Variants in CDK6 observed in about 807,000 individuals in gnomAD.
CDK6 encodes cyclin-dependent kinase 6.
Under a neutral mutation model 37.1 loss-of-function variants are expected in CDK6, and 6 were observed. The ratio of observed to expected loss-of-function variants is 0.16; its 90% CI spans 0.09 to 0.32. The LOEUF (loss-of-function observed/expected upper bound fraction) is 0.32. CDK6 is among the 10% of genes least tolerant of loss of function. The pLI, the probability that CDK6 is intolerant of heterozygous loss-of-function variation, is 1.00. For missense variants in CDK6, 224 were observed against 418.9 expected, an observed-to-expected ratio of 0.53 and a Z score of 4.06; for synonymous variants, 160 against 161.3, an observed-to-expected ratio of 0.99 and a Z score of 0.06.
intron 3 of CDK6, among the ~76,000 whole-genome samples, chr7:92,729,181 T>C (rs747049183): frequency 9.9e-5 from 15 of 152,228 alleles, no homozygotes; most frequent in Non-Finnish European, 2.9e-5. Context: ...AAGGACTCTC[T>C]ACGTAAGCTT....
chr7:92,763,271 A>G (rs1799502413), intron 3 of CDK6, among the ~76,000 whole-genome samples: 1 of 152,240 alleles, frequency 6.6e-6, no homozygotes, highest in Non-Finnish European at 1.5e-5. Flanking sequence ...TGTCAGCACT[A>G]AAAACCTATG....
At chr7:92,765,566 A>G (rs187989806) in intron 3 of CDK6, among the ~76,000 whole-genome samples, 5 of 152,244 alleles carry the variant, frequency 3.3e-5, no homozygotes, top group Admixed American at 2.0e-4. Context: ...TTGAAAAAGT[A>G]CCATTTCCTG....
chr7:92,829,089 G>T (rs1228327912), intron 2 of CDK6, among the ~76,000 whole-genome samples: 1 of 152,146 alleles, frequency 6.6e-6, no homozygotes, highest in South Asian at 2.1e-4. Context: ...GCTTTACAGA[G>T]TCAAATATGT....
intron 5 of CDK6, among the ~76,000 whole-genome samples, chr7:92,661,814 T>A (rs1431342832): frequency 6.6e-6 from 1 of 152,164 alleles, no homozygotes; most frequent in African/African-American, 2.4e-5. Context: ...TAAGTGGACC[T>A]GTGTAGTTCA....
intron 2 of CDK6, among the ~76,000 whole-genome samples, chr7:92,780,779 A>C (rs1014988353): frequency 3.3e-5 from 5 of 150,956 alleles, no homozygotes; most frequent in Admixed American, 6.6e-5. Context: ...AAAAAAAAAA[A>C]CAAAAAAACA....
Position 92,833,596 on chromosome 7 carries a change from C to G in CDK6, c.-273G>C, listed in dbSNP as rs911118864. On this transcript the variant is annotated 5_prime_UTR_variant, in exon 2 of 8. Coordinates refer to ENST00000424848, the MANE Select transcript of CDK6 (RefSeq NM_001145306.2). The surrounding 1 kb of genome is among the most constrained non-coding windows in gnomAD (Gnocchi z 6.1). ...CGCCGCCGCCGCCGGAGGAGCGAGC[C>G]GATCCCTCCTCTTCCCTCCTCGAAG... 2 of 545,634 alleles carry G rather than the reference C, an allele frequency of 3.7e-6. No individual in the cohort carries two copies. The highest frequency in any genetic ancestry group is 5.1e-5 in the South Asian group (2 of 39,536). The allele number at this position is 545,634 out of a possible 1,614,324, so 33.8% of individuals were successfully genotyped here.
intron 4 of CDK6, among the ~76,000 whole-genome samples, chr7:92,674,176 T>C (rs1192368904): frequency 1.3e-5 from 2 of 151,906 alleles, no homozygotes; most frequent in Non-Finnish European, 2.9e-5. Context: ...CCCATCGCTC[T>C]TGTCTCCATG....
chr7:92,780,368 T>C (rs766994979), intron 2 of CDK6, among the ~76,000 whole-genome samples: 6 of 152,226 alleles, frequency 3.9e-5, no homozygotes, highest in Admixed American at 1.3e-4. Context: ...CAATCTGTAA[T>C]GTATTTATAT....
At chr7:92,730,288 A>T (rs931883575) in intron 3 of CDK6, among the ~76,000 whole-genome samples, 1 of 152,208 alleles carries the variant, frequency 6.6e-6, no homozygotes, top group East Asian at 1.9e-4. Flanking sequence ...TTTTCTCCTT[A>T]TACTCTGTAA....
intron 4 of CDK6, among the ~76,000 whole-genome samples, chr7:92,673,787 T>C (rs1797143230): frequency 1.3e-5 from 2 of 152,098 alleles, no homozygotes; most frequent in African/African-American, 4.8e-5. Flanking sequence ...CCTTTTTTTT[T>C]TTCTTTTTGA....
At chr7:92,782,180 G>T (rs187265028) in intron 2 of CDK6, among the ~76,000 whole-genome samples, 2 of 152,196 alleles carry the variant, frequency 1.3e-5, no homozygotes. Context: ...ATCTAGTTGT[G>T]GGAAAGAAGA....
chr7:92,638,296 T>A (rs887733360), intron 5 of CDK6, among the ~76,000 whole-genome samples: 4 of 152,242 alleles, frequency 2.6e-5, no homozygotes, highest in African/African-American at 7.2e-5. Flanking sequence ...AAGGCCTTGA[T>A]ACCAGGGAGG....
intron 5 of CDK6, among the ~76,000 whole-genome samples, chr7:92,650,421 GTTTT>G (rs199895249): frequency 2.0e-5 from 3 of 150,872 alleles, no homozygotes; most frequent in African/African-American, 7.3e-5. Context: ...ATCTTTTGTT[GTTTT>G]TTTTTGTTGT....
In CDK6 at chr7:92,774,819, C is replaced by T. The variant is rs762714841; in HGVS notation, c.246G>A (p.Val82=). ...CTCTGTCTGTTCGTGACACTGTGCA[C>T]ACATCAAACAACCTAGAAGAAAAAA... ...EHPNVVRLFD[V]CTVSRTDRET... Residue 82 remains valine (V), a synonymous_variant, in exon 3 of 8, where the codon GTG becomes GTA. Transcript: ENST00000424848. The T allele has an allele frequency of 2.5e-6, 4 of 1,608,248 alleles. No homozygotes were observed. In the East Asian group the frequency reaches 6.7e-5, roughly 27 times the overall value.
chr7:92,832,561 TGA>T (rs1491308174), intron 2 of CDK6, among the ~76,000 whole-genome samples: 35 of 152,202 alleles, frequency 2.3e-4, no homozygotes, highest in African/African-American at 8.2e-4. Context: ...AAAGAGAAAC[TGA>T]GAGTATGACT....
At chr7:92,731,613 G>A (rs1798651883) in intron 3 of CDK6, among the ~76,000 whole-genome samples, 1 of 152,168 alleles carries the variant, frequency 6.6e-6, no homozygotes, top group Admixed American at 6.5e-5. Context: ...CTGGATAAAA[G>A]TGTAATAAAG....
intron 4 of CDK6, among the ~76,000 whole-genome samples, chr7:92,679,054 G>A (rs530909629): frequency 7.2e-5 from 11 of 152,182 alleles, no homozygotes; most frequent in Non-Finnish European, 1.5e-4. Context: ...GTAAGACTCA[G>A]GTCATAGCAC....
chr7:92,634,595 G>A (rs1040794033), intron 5 of CDK6, among the ~76,000 whole-genome samples: 1 of 151,948 alleles, frequency 6.6e-6, no homozygotes, highest in South Asian at 2.1e-4. Flanking sequence ...GAATTAATTT[G>A]GAAACCTTTT....
chr7:92,757,642 T>C (rs1325517273), intron 3 of CDK6, among the ~76,000 whole-genome samples: 1 of 152,224 alleles, frequency 6.6e-6, no homozygotes, highest in African/African-American at 2.4e-5. Context: ...TATGGTAGAA[T>C]GATTCATTAT....
Sources: allele counts gnomAD v4.1 joint callset (sites outside exome capture counted in the v4.1 genomes callset), GRCh38; gene constraint gnomAD v4.1.1; non-coding constraint Gnocchi (gnomAD v3.1); transcripts MANE v1.5; gene names NCBI Gene and HGNC (gene_info 2026-07-23, HGNC 2026-07-21).